The following PTPRD variants were observed in gnomAD, a reference collection of about 807,000 sequenced individuals.
PTPRD encodes receptor-type tyrosine-protein phosphatase delta.
In PTPRD, 34 loss-of-function variants were observed where a neutral mutation model predicts 214.5. The ratio of observed to expected loss-of-function variants is 0.16; its 90% CI spans 0.12 to 0.21. PTPRD has a LOEUF of 0.21. Among genes scored for constraint, PTPRD ranks in the 10% least tolerant of loss-of-function variants. The pLI is 1.00. For synonymous variants in PTPRD, 1,128 were observed against 845.7 expected, an observed-to-expected ratio of 1.33 and a Z score of -5.79; for missense variants, 2,545 against 2,398.7, an observed-to-expected ratio of 1.06 and a Z score of -1.27.
chr9:8,345,357 G>C (rs761657373), intron 39 of PTPRD, among the ~76,000 whole-genome samples: 1 of 152,088 alleles, frequency 6.6e-6, no homozygotes, highest in Non-Finnish European at 1.5e-5. Context: ...TTAAAATTTA[G>C]CACCCTGTTC....
intron 5 of PTPRD, among the ~76,000 whole-genome samples, chr9:9,850,269 G>A (rs1037193375): frequency 6.6e-6 from 1 of 152,130 alleles, no homozygotes; most frequent in Non-Finnish European, 1.5e-5. Context: ...TAAACTTGAG[G>A]CTTGGGAGAT....
intron 6 of PTPRD, among the ~76,000 whole-genome samples, chr9:9,738,407 A>G (rs2154447920): frequency 6.9e-6 from 1 of 144,202 alleles, no homozygotes; most frequent in Non-Finnish European, 1.5e-5. Context: ...TCTTCTTTGG[A>G]GAAATATGTA....
At chr9:9,567,597 T>G (rs1019567505) in intron 8 of PTPRD, among the ~76,000 whole-genome samples, 3 of 151,970 alleles carry the variant, frequency 2.0e-5, no homozygotes, top group African/African-American at 7.2e-5. Context: ...AATAAAAGTA[T>G]TAATTCAAGA....
chr9:10,098,712 A>G (rs867949461), intron 3 of PTPRD, among the ~76,000 whole-genome samples: 2 of 151,720 alleles, frequency 1.3e-5, no homozygotes, highest in Non-Finnish European at 2.9e-5. Flanking sequence ...AATGTTCTAA[A>G]TTCAAGCCTT....
intron 14 of PTPRD, among the ~76,000 whole-genome samples, chr9:8,609,686 A>G (rs538701015): frequency 6.6e-6 from 1 of 152,260 alleles, no homozygotes; most frequent in South Asian, 2.1e-4. Flanking sequence ...TTTGAACATC[A>G]CTATTTAACT....
intron 36 of PTPRD, among the ~76,000 whole-genome samples, chr9:8,390,894 C>G (rs1189769704): frequency 6.6e-6 from 1 of 152,164 alleles, no homozygotes; most frequent in Non-Finnish European, 1.5e-5. Context: ...TGTTGAGTTC[C>G]AAGTTTTAAA....
intron 7 of PTPRD, among the ~76,000 whole-genome samples, chr9:9,607,347 GT>G (rs909137846): frequency 1.3e-5 from 2 of 152,056 alleles, no homozygotes; most frequent in African/African-American, 2.4e-5. Context: ...CAGTTTAAAT[GT>G]TTTAGTTCAT....
intron 12 of PTPRD, among the ~76,000 whole-genome samples, chr9:8,704,498 T>G (rs1002585666): frequency 2.0e-5 from 3 of 152,168 alleles, no homozygotes. Context: ...GCTCATTACG[T>G]AGAGTATCAT....
chr9:8,804,980 G>A (rs1348768097), intron 11 of PTPRD, among the ~76,000 whole-genome samples: 1 of 152,156 alleles, frequency 6.6e-6, no homozygotes, highest in African/African-American at 2.4e-5. Context: ...TATTTCTGCT[G>A]TAACAGAGGA....
chr9:9,781,262 C>A (rs1366445089), intron 5 of PTPRD, among the ~76,000 whole-genome samples: 5 of 152,102 alleles, frequency 3.3e-5, no homozygotes, highest in African/African-American at 1.2e-4. Flanking sequence ...ATGGGTTTAA[C>A]TGACAGTGGG....
At chr9:8,458,411 C>G (rs1195605952) in intron 33 of PTPRD, among the ~76,000 whole-genome samples, 1 of 152,022 alleles carries the variant, frequency 6.6e-6, no homozygotes, top group Non-Finnish European at 1.5e-5. Flanking sequence ...TAAAACATAA[C>G]TTAAAAATAA....
chr9:10,220,583 C>A (rs1428513591), intron 3 of PTPRD, among the ~76,000 whole-genome samples: 1 of 151,868 alleles, frequency 6.6e-6, no homozygotes, highest in African/African-American at 2.4e-5. Flanking sequence ...TGACAGCTGT[C>A]CTGTTACAAT....
At chr9:10,132,083 A>T (rs984869272) in intron 3 of PTPRD, among the ~76,000 whole-genome samples, 2 of 152,182 alleles carry the variant, frequency 1.3e-5, no homozygotes, top group Non-Finnish European at 2.9e-5. Flanking sequence ...GGCAAAATTC[A>T]TCACTGAGAT....
chr9:9,746,304 A>G (rs999998477), intron 6 of PTPRD, among the ~76,000 whole-genome samples: 1 of 152,158 alleles, frequency 6.6e-6, no homozygotes, highest in African/African-American at 2.4e-5. Flanking sequence ...TTTAATCATT[A>G]CTAGATTGGA....
chr9:9,804,531 T>G (rs1044260118), intron 5 of PTPRD, among the ~76,000 whole-genome samples: 1 of 152,166 alleles, frequency 6.6e-6, no homozygotes, highest in African/African-American at 2.4e-5. Context: ...TTTTTATCTT[T>G]CCTTAACTCT....
rs989438601 is a variant in PTPRD, at chr9:9,422,080, T to C, written c.-236-24598A>G. ...GGTATTTAAGTCACATATTTGAGAA[T>C]ATCTGTAAACATGTTTTGAGTGTGT... On this transcript the variant is annotated intron_variant, in intron 8 of 45. Transcript: ENST00000381196. 2.6e-5 allele frequency among the ~76,000 whole-genome samples: 4 copies of C among 152,144 alleles called. No homozygotes were observed. In the East Asian group the frequency reaches 7.7e-4, roughly 29 times the overall value.
At chr9:8,942,074 G>A (rs1037016794) in intron 11 of PTPRD, among the ~76,000 whole-genome samples, 2 of 152,152 alleles carry the variant, frequency 1.3e-5, no homozygotes, top group African/African-American at 4.8e-5. Context: ...CCAAAGTGCT[G>A]GAATTACAGG....
chr9:8,592,754 T>G (rs1305877768), intron 14 of PTPRD, among the ~76,000 whole-genome samples: 2 of 152,204 alleles, frequency 1.3e-5, no homozygotes, highest in Non-Finnish European at 2.9e-5. Context: ...ACTAAATTAG[T>G]GCTTAAAAGA....
intron 3 of PTPRD, among the ~76,000 whole-genome samples, chr9:10,056,494 A>G (rs549725277): frequency 3.3e-4 from 50 of 152,072 alleles, no homozygotes; most frequent in African/African-American, 1.2e-3. Flanking sequence ...TTTTGTATTT[A>G]ATTAAAAAAA....
Sources: allele counts gnomAD v4.1 joint callset (sites outside exome capture counted in the v4.1 genomes callset), GRCh38; gene constraint gnomAD v4.1.1; transcripts MANE v1.5; gene names NCBI Gene and HGNC (gene_info 2026-07-23, HGNC 2026-07-21).